Variants in FMNL3 observed in about 807,000 individuals in gnomAD.
FMNL3 encodes the protein formin-like protein 3.
Under a neutral mutation model 119.6 loss-of-function variants are expected in FMNL3, and 57 were observed. The ratio of observed to expected loss-of-function variants is 0.48; its 90% CI spans 0.39 to 0.59. FMNL3 has a LOEUF of 0.59. Among genes scored for constraint, FMNL3 ranks in the 20% least tolerant of loss-of-function variants. The pLI, the probability that FMNL3 is intolerant of heterozygous loss-of-function variation, is 0.00. For missense variants in FMNL3, 1,053 were observed against 1,323.5 expected (o/e 0.80, Z 3.17); for synonymous variants, 491 against 507.3 (o/e 0.97, Z 0.43).
intron 8 of FMNL3, 73 bp from the exon 9 acceptor site, chr12:49,656,570 G>A: frequency 7.3e-7 from 1 of 1,378,044 alleles, no homozygotes; most frequent in Non-Finnish European, 1.0e-6. Context: ...TTCCCTGACT[G>A]GGTAAGTCCT....
chr12:49,705,560 A>G (rs954634162), intron 1 of FMNL3, among the ~76,000 whole-genome samples: 6 of 152,076 alleles, frequency 3.9e-5, no homozygotes, highest in Non-Finnish European at 4.4e-5. Context: ...CACCCCCACC[A>G]GAGTGCAGAT....
At chr12:49,648,094 C>G in intron 22 of FMNL3, 99 bp downstream of exon 22, 1 of 1,408,336 alleles carries the variant, frequency 7.1e-7, no homozygotes, top group Non-Finnish European at 9.4e-7. Context: ...AGCCAGCCAG[C>G]TGCTTGATTT....
rs913049519 is a variant in FMNL3, at chr12:49,644,621, G to A, written c.*1194C>T. 8 of 191,430 alleles carry A rather than the reference G, an allele frequency of 4.2e-5. 1 individual carries two copies. The highest frequency in any genetic ancestry group is 2.7e-4 in the Admixed American group (5 of 18,812). 11.9% of individuals were successfully genotyped at this position (191,430 alleles called of 1,614,324 possible). ...TTCCTCCACCCAGGACCTAATGTAC[G>A]TGTGTTTTGTTTTTTGTTTTTTAAA... is the stretch of plus-strand genomic sequence containing the variant. On this transcript the variant is annotated 3_prime_UTR_variant, in exon 26 of 26. Coordinates refer to ENST00000335154, the MANE Select transcript of FMNL3 (RefSeq NM_175736.5).
intron 1 of FMNL3, among the ~76,000 whole-genome samples, chr12:49,703,223 C>T (rs1054308750): frequency 2.0e-5 from 3 of 152,186 alleles, no homozygotes; most frequent in Non-Finnish European, 1.5e-5. Flanking sequence ...GCTATCCTTT[C>T]AAAGACCTTA....
At chr12:49,654,093 G>A (rs1229182487) in intron 11 of FMNL3, 99 bp downstream of exon 11, 1 of 1,236,672 alleles carries the variant, frequency 8.1e-7, no homozygotes, top group African/African-American at 1.5e-5. Flanking sequence ...AGGGTCCCAG[G>A]AGCATCAAGG....
intron 1 of FMNL3, among the ~76,000 whole-genome samples, chr12:49,685,152 G>A (rs758290617): frequency 6.6e-6 from 1 of 152,218 alleles, no homozygotes; most frequent in Non-Finnish European, 1.5e-5. Flanking sequence ...CTCAGCTGGT[G>A]TATGATGGTT....
rs2138642625 is a variant in FMNL3, at chr12:49,642,065, C to G, written c.*3750G>C. The G allele has an allele frequency of 6.2e-7, 1 of 1,605,872 alleles. No individual in the cohort carries two copies. ...GGGCGTGGGAAGTTCTCTAATTCAT[C>G]TGTGTCTTGCTCCATTCCTTCTCAC... On this transcript the variant is annotated 3_prime_UTR_variant, in exon 26 of 26. Coordinates refer to ENST00000335154, the MANE Select transcript of FMNL3 (RefSeq NM_175736.5). The surrounding 1 kb of genome is among the most constrained non-coding windows in gnomAD (Gnocchi z 5.8).
intron 1 of FMNL3, 82 bp downstream of exon 1, chr12:49,706,972 CG>C: frequency 7.3e-7 from 1 of 1,364,250 alleles, no homozygotes; most frequent in Non-Finnish European, 9.8e-7. Flanking sequence ...GTGGGCGGGA[CG>C]GGGGCCCAGC....
chr12:49,675,208 T>C (rs1201506464), intron 1 of FMNL3, among the ~76,000 whole-genome samples: 1 of 152,036 alleles, frequency 6.6e-6, no homozygotes, highest in African/African-American at 2.4e-5. Flanking sequence ...AAATATACAA[T>C]CTCCGATAGG....
At position 49,657,193 on chromosome 12, in the gene FMNL3, G is replaced by A. The variant is rs781574863; in HGVS notation, c.606-3C>T. On this transcript the variant is annotated splice_region_variant and splice_polypyrimidine_tract_variant and intron_variant, in intron 6 of 25. Transcript: ENST00000335154. ...TGCGCCCAGGGAGAGTGCTATACCT[G>A]GGGAGATGGGCCAGGCAGTCAGGTG... The A allele has an allele frequency of 1.2e-6, 2 of 1,611,540 alleles. No individual in the cohort carries two copies. Among genetic ancestry groups the A allele is most frequent in the South Asian group, 2.2e-5 (2 of 91,026 alleles).
At chr12:49,665,105 A>G (rs1212327031) in intron 4 of FMNL3, among the ~76,000 whole-genome samples, 1 of 151,682 alleles carries the variant, frequency 6.6e-6, no homozygotes, top group East Asian at 1.9e-4. Flanking sequence ...ACTTTCATAT[A>G]CCTTTGCATA....
In FMNL3 at chr12:49,707,305, C is replaced by G. The variant is rs570347675; in HGVS notation, c.-125G>C. ...CCGAGTCCCGACTCCTCGGCCCCGT[C>G]GAGGGCGCCGGGGGTTCCCTGGAGT... On this transcript the variant is annotated 5_prime_UTR_variant, in exon 1 of 26. Coordinates refer to ENST00000335154, the MANE Select transcript of FMNL3 (RefSeq NM_175736.5). 1 of 948,572 alleles carries G rather than the reference C, an allele frequency of 1.1e-6. No homozygotes were observed. The highest frequency in any genetic ancestry group is 1.7e-5 in the African/African-American group (1 of 57,530). The allele number at this position is 948,572 out of a possible 1,614,324, so 58.8% of individuals were successfully genotyped here.
In FMNL3 at chr12:49,643,829, G is replaced by C; in HGVS notation, c.*1986C>G. 6.2e-7 allele frequency: 1 copy of C among 1,614,084 alleles called. No individual in the cohort carries two copies. The highest frequency in any genetic ancestry group is 1.7e-5 in the Admixed American group (1 of 60,008). ...TACCTGCCTCCCAGGCTATCCACAGGAACTGAGGAGGTGGGCTCTGGACTC... is the reference window on the plus strand; with the variant it reads ...TACCTGCCTCCCAGGCTATCCACAGCAACTGAGGAGGTGGGCTCTGGACTC... On this transcript the variant is annotated 3_prime_UTR_variant, in exon 26 of 26. Coordinates refer to ENST00000335154, the MANE Select transcript of FMNL3 (RefSeq NM_175736.5).
chr12:49,704,567 C>T (rs952102294), intron 1 of FMNL3, among the ~76,000 whole-genome samples: 4 of 152,020 alleles, frequency 2.6e-5, no homozygotes, highest in Non-Finnish European at 5.9e-5. Context: ...AAAAATTAGC[C>T]AGGCTTAGTG....
At chr12:49,668,945 A>C (rs985921507) in intron 1 of FMNL3, among the ~76,000 whole-genome samples, 2 of 152,242 alleles carry the variant, frequency 1.3e-5, no homozygotes, top group Admixed American at 1.3e-4. Context: ...TGTGACGGGA[A>C]CATGAGATGG....
intron 25 of FMNL3, 141 bp downstream of exon 25, chr12:49,646,745 T>G: frequency 6.3e-7 from 1 of 1,585,444 alleles, no homozygotes; most frequent in Non-Finnish European, 8.6e-7. Flanking sequence ...AAAGGGACAC[T>G]CTTCAGCACT....
intron 4 of FMNL3, among the ~76,000 whole-genome samples, chr12:49,665,439 G>A (rs17119738): frequency 0.022 from 3,350 of 152,218 alleles, 123 homozygotes; most frequent in African/African-American, 0.077. Context: ...AATAGTCACC[G>A]AATGGGAACT....
rs562531088 is a variant in FMNL3 at position 49,645,909 on chromosome 12, G to A, written c.2996-6C>T. On this transcript the variant is annotated splice_polypyrimidine_tract_variant and splice_region_variant and intron_variant, in intron 25 of 25. Coordinates refer to ENST00000335154, the MANE Select transcript of FMNL3 (RefSeq NM_175736.5). ...CATAGGCTGGCAGTGGAGGCCTGTG[G>A]GGGAAGAGAGAGACCTGTGAACAGG... The A allele has an allele frequency of 1.2e-6, 2 of 1,611,298 alleles. No individual in the cohort carries two copies. Among genetic ancestry groups the A allele is most frequent in the Non-Finnish European group, 1.7e-6 (2 of 1,178,700 alleles).
At chr12:49,657,374 T>G (rs936740491) in intron 6 of FMNL3, among the ~76,000 whole-genome samples, 184 bp from the exon 7 acceptor site, 2 of 152,150 alleles carry the variant, frequency 1.3e-5, no homozygotes, top group Non-Finnish European at 2.9e-5. Flanking sequence ...TGTTTTCACC[T>G]CCTTAAACAG....
Sources: allele counts gnomAD v4.1 joint callset (sites outside exome capture counted in the v4.1 genomes callset), GRCh38; gene constraint gnomAD v4.1.1; non-coding constraint Gnocchi (gnomAD v3.1); transcripts MANE v1.5; gene names NCBI Gene and HGNC (gene_info 2026-07-23, HGNC 2026-07-21).